PARP4: variants seen among roughly 807,000 people sequenced by gnomAD.
The protein encoded by PARP4 is protein mono-ADP-ribosyltransferase PARP4.
PARP4 carries 120 observed loss-of-function variants against 187.7 expected under a neutral mutation model. The ratio of observed to expected loss-of-function variants is 0.64; its 90% CI spans 0.55 to 0.74. PARP4 has a LOEUF of 0.74. PARP4 is among the 30% of genes least tolerant of loss of function. The pLI, the probability that PARP4 is intolerant of heterozygous loss-of-function variation, is 0.00. For synonymous variants in PARP4, 654 were observed against 740.9 expected (o/e 0.88, Z 1.90); for missense variants, 1,836 against 2,070.5 (o/e 0.89, Z 2.20).
In PARP4 at chr13:24,460,039, C is replaced by T; in HGVS notation, c.2231G>A (p.Gly744Asp). The T allele has an allele frequency of 6.2e-7, 1 of 1,614,024 alleles. No homozygotes were observed. Among genetic ancestry groups the T allele is most frequent in the Non-Finnish European group, 8.5e-7 (1 of 1,179,966 alleles). Residue 744 changes from glycine to aspartate, a missense_variant, in exon 18 of 34, where the codon GGT becomes GAT. Around this residue, in one of 8 missense-constraint regions of PARP4, gnomAD observed 1,147 missense variants for 1,214.2 expected, o/e 0.94. Transcript: ENST00000381989. ...ITELSILGTVGVFFMPATVAP... is the reference protein window; with the variant it reads ...ITELSILGTVDVFFMPATVAP... ...TACGGTGGCGGGCATGAAAAAGACA[C>T]CAACAGTGCCCAGGATGCTGAGTTC...
At chr13:24,465,448 C>T (rs1378504797) in intron 17 of PARP4, among the ~76,000 whole-genome samples, 3 of 65,994 alleles carry the variant, frequency 4.5e-5, no homozygotes, top group Non-Finnish European at 1.1e-4. Context: ...CCATGGAATA[C>T]CATGCAGACC....
chr13:24,425,587 C>G (rs1415759391), intron 33 of PARP4, among the ~76,000 whole-genome samples: 1 of 118,486 alleles, frequency 8.4e-6, no homozygotes, highest in African/African-American at 3.8e-5. Flanking sequence ...ATATCTATAT[C>G]TATATCTATA....
chr13:24,454,505 T>C (rs1022634260), intron 22 of PARP4, among the ~76,000 whole-genome samples: 1 of 152,168 alleles, frequency 6.6e-6, no homozygotes, highest in Admixed American at 6.5e-5. Flanking sequence ...TGGTACTACC[T>C]CCCTTCTAGC....
intron 30 of PARP4, among the ~76,000 whole-genome samples, chr13:24,435,929 AAAAAAAAG>A (rs1340864108): frequency 1.1e-4 from 6 of 56,336 alleles, no homozygotes; most frequent in African/African-American, 4.9e-4. Context: ...AAAAAAAAAA[AAAAAAAAG>A]AAAGAAAGAA....
intron 24 of PARP4, chr13:24,452,143 T>C: frequency 2.6e-6 from 1 of 379,606 alleles, no homozygotes; most frequent in East Asian, 4.4e-5. Flanking sequence ...TCAGCAATCC[T>C]AGGAGGTAGG....
intron 15 of PARP4, among the ~76,000 whole-genome samples, chr13:24,474,903 T>TC (rs1872907554): frequency 1.3e-5 from 2 of 151,948 alleles, no homozygotes; most frequent in African/African-American, 4.8e-5. Flanking sequence ...CCCCATGCAC[T>TC]CTCCCCTTTC....
Position 24,483,311 on chromosome 13 carries a change from C to A in PARP4, c.1448+1342G>T, listed in dbSNP as rs369748737. On this transcript the variant is annotated intron_variant, in intron 12 of 33. Transcript: ENST00000381989. ...ACCATCCTGGCTAACAAGGTGAAAC[C>A]CCGTCTCTACTAAAAATACAAAAAA... 7.1e-3 allele frequency among the ~76,000 whole-genome samples: 1,067 copies of A among 149,392 alleles called. 18 individuals carry two copies. Among genetic ancestry groups the A allele is most frequent in the African/African-American group, 0.024 (980 of 40,048 alleles).
intron 1 of PARP4, among the ~76,000 whole-genome samples, chr13:24,506,233 G>C (rs1385327132): frequency 6.6e-6 from 1 of 151,944 alleles, no homozygotes; most frequent in Non-Finnish European, 1.5e-5. Flanking sequence ...CGCATCCAGA[G>C]TTTGTCCGGA....
At chr13:24,431,605 T>C (rs1870338626) in intron 31 of PARP4, 129 bp from the exon 32 acceptor site, 2 of 653,028 alleles carry the variant, frequency 3.1e-6, no homozygotes, top group African/African-American at 1.9e-5. Flanking sequence ...ACAAGACAAT[T>C]AGAAGCCCAA....
intron 1 of PARP4, among the ~76,000 whole-genome samples, chr13:24,505,773 T>A (rs1051972039): frequency 1.3e-5 from 2 of 152,138 alleles, no homozygotes; most frequent in East Asian, 3.9e-4. Context: ...AAACAAGGAG[T>A]CACGTCTAAC....
intron 9 of PARP4, 66 bp downstream of exon 9, chr13:24,492,355 A>G (rs1169586772): frequency 2.6e-6 from 3 of 1,147,452 alleles, no homozygotes; most frequent in African/African-American, 3.1e-5. Flanking sequence ...CATTCATCAG[A>G]TTTCTAAAGA....
At chr13:24,427,776 A>G (rs1056826598) in intron 32 of PARP4, among the ~76,000 whole-genome samples, 1 of 152,216 alleles carries the variant, frequency 6.6e-6, no homozygotes, top group African/African-American at 2.4e-5. Flanking sequence ...AAACAAAATA[A>G]CAAAACCAAT....
At chr13:24,455,506 T>TATATATATATATATATATATATATAA (rs1555234626) in intron 21 of PARP4, among the ~76,000 whole-genome samples, 2 of 135,450 alleles carry the variant, frequency 1.5e-5, no homozygotes, top group African/African-American at 2.7e-5. Context: ...TATATATATA[T>TATATATATATATATATATATATATAA]CACACTATTC....
intron 12 of PARP4, among the ~76,000 whole-genome samples, chr13:24,482,184 T>A (rs1251026645): frequency 6.6e-6 from 1 of 152,228 alleles, no homozygotes; most frequent in East Asian, 1.9e-4. Flanking sequence ...TGCTGCAATC[T>A]CATGATCAAA....
chr13:24,461,978 G>A (rs1013670461), intron 17 of PARP4, among the ~76,000 whole-genome samples: 2 of 152,170 alleles, frequency 1.3e-5, no homozygotes, highest in Admixed American at 6.5e-5. Context: ...ACAACTGGAG[G>A]AAAGGCAGGA....
chr13:24,499,971 A>G (rs769216833), intron 4 of PARP4, among the ~76,000 whole-genome samples: 5 of 152,148 alleles, frequency 3.3e-5, no homozygotes, highest in African/African-American at 1.2e-4. Context: ...TTTTGAAAAC[A>G]TCAGGCAAAA....
chr13:24,433,100 CG>C (rs1870432731), intron 31 of PARP4, among the ~76,000 whole-genome samples: 1 of 152,120 alleles, frequency 6.6e-6, no homozygotes, highest in Admixed American at 6.5e-5. Flanking sequence ...GCTTGCGTAA[CG>C]TCCTCTGGAA....
In PARP4 at chr13:24,442,680, T is replaced by C. The variant is rs146357092; in HGVS notation, c.3453A>G (p.Lys1151=). The change falls in exon 29 of 34, where the codon AAA becomes AAG. Residue 1151 remains lysine (K), a synonymous_variant. Coordinates refer to ENST00000381989, the MANE Select transcript of PARP4 (RefSeq NM_006437.4). The part of the protein sequence containing the change: ...LHENETSHEM[K]KQTLKSLIIK... ...TAATCAGAGATTTCAAGGTTTGTTTTTTCATCTAGGATAGAATAAAACATA... is the reference window on the plus strand; with the variant it reads ...TAATCAGAGATTTCAAGGTTTGTTTCTTCATCTAGGATAGAATAAAACATA... The C allele has an allele frequency of 9.7e-5, 146 of 1,499,926 alleles. No homozygotes were observed. The African/African-American group carries it at 1.8e-3, about 18-fold the overall frequency. 92.9% of individuals were successfully genotyped at this position (1,499,926 alleles called of 1,614,324 possible).
intron 33 of PARP4, among the ~76,000 whole-genome samples, chr13:24,422,438 G>A (rs1458001813): frequency 6.6e-6 from 1 of 151,978 alleles, no homozygotes; most frequent in Non-Finnish European, 1.5e-5. Flanking sequence ...AACAAAACTG[G>A]CTTTGAATAT....
Sources: gnomAD v4.1 joint callset for allele counts (sites outside exome capture counted in the v4.1 genomes callset) on GRCh38, gnomAD v4.1.1 for gene constraint, gnomAD v4.1.1 regional missense constraint, MANE v1.5 for transcripts, NCBI Gene and HGNC (gene_info 2026-07-23, HGNC 2026-07-21) for gene names.